Variants in NMNAT2 observed in about 807,000 individuals in gnomAD.
NMNAT2 encodes nicotinamide nucleotide adenylyltransferase 2, also known as nicotinamide/nicotinic acid mononucleotide adenylyltransferase 2.
NMNAT2 carries 11 observed loss-of-function variants against 41.6 expected under a neutral mutation model. That is an observed-to-expected ratio of 0.26 (90% confidence interval 0.17 to 0.44). The LOEUF is 0.44. Among genes scored for constraint, NMNAT2 ranks in the 20% least tolerant of loss-of-function variants. The pLI is 1.00. For synonymous variants in NMNAT2, 148 were observed against 151.2 expected (o/e 0.98, Z 0.16); for missense variants, 288 against 407.7 (o/e 0.71, Z 2.53).
At position 183,303,802 on chromosome 1, in the gene NMNAT2, C is replaced by T. The variant is rs548572033; in HGVS notation, c.86-10009G>A. 2.0e-5 allele frequency among the ~76,000 whole-genome samples: 3 copies of T among 152,322 alleles called. No homozygotes were observed. In the South Asian group the frequency reaches 6.2e-4, roughly 32 times the overall value. On this transcript the variant is annotated intron_variant, in intron 1 of 10. Coordinates refer to ENST00000287713, the MANE Select transcript of NMNAT2 (RefSeq NM_015039.4). ...CATGAAGTTTGATCCATATGTGGGA[C>T]CACAGGAGCCTACCATGCCATCCCT...
chr1:183,381,776 T>C (rs1663808197), intron 1 of NMNAT2, among the ~76,000 whole-genome samples: 1 of 152,234 alleles, frequency 6.6e-6, no homozygotes, highest in Non-Finnish European at 1.5e-5. Context: ...TGTGAGGCAC[T>C]ATTCTAAGCA....
intron 1 of NMNAT2, among the ~76,000 whole-genome samples, chr1:183,317,108 A>C (rs1662270357): frequency 6.6e-6 from 1 of 152,204 alleles, no homozygotes; most frequent in African/African-American, 2.4e-5. Flanking sequence ...ACCTGTGTCA[A>C]AGTGGAGTAG....
intron 8 of NMNAT2, among the ~76,000 whole-genome samples, chr1:183,271,248 G>A (rs1660980156): frequency 6.6e-6 from 1 of 152,132 alleles, no homozygotes; most frequent in South Asian, 2.1e-4. Context: ...TTTGCTGCTT[G>A]CTCAAAAGTT....
intron 4 of NMNAT2, among the ~76,000 whole-genome samples, chr1:183,288,149 C>T (rs576491785): frequency 6.6e-6 from 1 of 152,314 alleles, no homozygotes; most frequent in South Asian, 2.1e-4. Context: ...GAGCTTCTTC[C>T]TCTTGCTGCA....
chr1:183,403,800 G>A (rs1648882639), intron 1 of NMNAT2, among the ~76,000 whole-genome samples: 1 of 152,158 alleles, frequency 6.6e-6, no homozygotes, highest in African/African-American at 2.4e-5. Flanking sequence ...TTGAAAAGTT[G>A]ATTTAATGCA....
intron 1 of NMNAT2, among the ~76,000 whole-genome samples, chr1:183,408,127 G>A (rs1649010749): frequency 6.6e-6 from 1 of 152,174 alleles, no homozygotes; most frequent in Non-Finnish European, 1.5e-5. Flanking sequence ...GACTTCAACA[G>A]CACTTCCTAT....
chr1:183,347,587 A>G (rs1241304763), intron 1 of NMNAT2, among the ~76,000 whole-genome samples: 2 of 152,200 alleles, frequency 1.3e-5, no homozygotes, highest in Non-Finnish European at 2.9e-5. Flanking sequence ...AAGCACTCTA[A>G]AAGTGTTTGC....
At chr1:183,392,081 T>C (rs1356770628) in intron 1 of NMNAT2, among the ~76,000 whole-genome samples, 1 of 152,232 alleles carries the variant, frequency 6.6e-6, no homozygotes, top group Non-Finnish European at 1.5e-5. Context: ...TTACTATTTA[T>C]ATATTTTTAT....
intron 8 of NMNAT2, among the ~76,000 whole-genome samples, chr1:183,263,241 A>G (rs1660708581): frequency 6.6e-6 from 1 of 152,190 alleles, no homozygotes; most frequent in Non-Finnish European, 1.5e-5. Flanking sequence ...TAGAGCCCCC[A>G]TTGGATCATG....
At chr1:183,371,431 A>C (rs1379306710) in intron 1 of NMNAT2, among the ~76,000 whole-genome samples, 1 of 152,170 alleles carries the variant, frequency 6.6e-6, no homozygotes, top group Non-Finnish European at 1.5e-5. Context: ...CATAGGATGC[A>C]CAACACCCCG....
At chr1:183,386,047 G>A (rs1395061615) in intron 1 of NMNAT2, among the ~76,000 whole-genome samples, 3 of 152,204 alleles carry the variant, frequency 2.0e-5, no homozygotes, top group South Asian at 2.1e-4. Flanking sequence ...AACTGAGACC[G>A]GACGCTACTT....
chr1:183,413,542 A>G (rs1411388320), intron 1 of NMNAT2, among the ~76,000 whole-genome samples: 2 of 148,476 alleles, frequency 1.3e-5, no homozygotes, highest in African/African-American at 5.0e-5. Context: ...AGTTATCAGT[A>G]TTGTGGGTCT....
rs1557897707 is a variant in NMNAT2, at chr1:183,389,816, GAAA to G, written c.85+28364_85+28366del. ...AGAAAGAAAGAAAGAAAGAAAGAAA[GAAA>G]GAAAGAAAGAAAGAAAGAAAGAAAG... On this transcript the variant is annotated intron_variant, in intron 1 of 10. Transcript: ENST00000287713. Among the ~76,000 whole-genome samples, 162 of 57,576 alleles carry G rather than the reference GAAA, an allele frequency of 2.8e-3. 13 individuals are homozygous for G. The highest frequency in any genetic ancestry group is 6.0e-3 in the African/African-American group (103 of 17,182). 37.8% of individuals were successfully genotyped at this position (57,576 alleles called of 152,430 possible).
At chr1:183,351,397 C>T (rs1299005592) in intron 1 of NMNAT2, among the ~76,000 whole-genome samples, 2 of 152,144 alleles carry the variant, frequency 1.3e-5, no homozygotes. Context: ...TAGTGTAGTT[C>T]TAGGTGACTG....
Position 183,303,305 on chromosome 1 carries a change from G to T in NMNAT2, c.86-9512C>A, listed in dbSNP as rs180990769. ...AGGAGGGTTTTGAGTGCCAAACCAA[G>T]TAATTAACTTACTGACCATTTGCTG... On this transcript the variant is annotated intron_variant, in intron 1 of 10. Coordinates refer to ENST00000287713, the MANE Select transcript of NMNAT2 (RefSeq NM_015039.4). Among the ~76,000 whole-genome samples the T allele has an allele frequency of 2.6e-4, 40 of 152,330 alleles. No individual in the cohort carries two copies. In the East Asian group the frequency reaches 6.2e-3, roughly 24 times the overall value.
chr1:183,393,484 A>T (rs1363299263), intron 1 of NMNAT2, among the ~76,000 whole-genome samples: 1 of 152,100 alleles, frequency 6.6e-6, no homozygotes, highest in Non-Finnish European at 1.5e-5. Context: ...TTTAAAAAAA[A>T]AAAACAGCTT....
At chr1:183,326,626 C>T (rs976190772) in intron 1 of NMNAT2, among the ~76,000 whole-genome samples, 3 of 151,990 alleles carry the variant, frequency 2.0e-5, no homozygotes, top group African/African-American at 7.2e-5. Context: ...CAATAGGCAC[C>T]ATATCATGTT....
intron 1 of NMNAT2, among the ~76,000 whole-genome samples, chr1:183,379,849 A>G (rs1349335000): frequency 2.0e-5 from 3 of 152,228 alleles, no homozygotes; most frequent in Non-Finnish European, 4.4e-5. Context: ...AAGTCAAGGG[A>G]TTGCTTGAAA....
At chr1:183,355,081 G>A (rs1391176626) in intron 1 of NMNAT2, among the ~76,000 whole-genome samples, 2 of 152,202 alleles carry the variant, frequency 1.3e-5, no homozygotes, top group East Asian at 3.8e-4. Context: ...CTGCACTGTA[G>A]CCATGCTGGT....
Sources: allele counts gnomAD v4.1 joint callset (sites outside exome capture counted in the v4.1 genomes callset), GRCh38; gene constraint gnomAD v4.1.1; transcripts MANE v1.5; gene names NCBI Gene and HGNC (gene_info 2026-07-23, HGNC 2026-07-21).